The following POMGNT1 variants were observed in gnomAD, a reference collection of about 807,000 sequenced individuals.
The protein encoded by POMGNT1 is protein O-linked mannose N-acetylglucosaminyltransferase 1 (beta 1,2-).
Under a neutral mutation model 95.6 loss-of-function variants are expected in POMGNT1, and 67 were observed. The observed-to-expected ratio is 0.70, with a 90% CI of 0.58 to 0.86. The LOEUF (loss-of-function observed/expected upper bound fraction) is 0.86, where lower values mean the gene tolerates loss of function less well. Among genes scored for constraint, POMGNT1 ranks in the 40% least tolerant of loss-of-function variants. The probability of loss-of-function intolerance (pLI) is 0.00; values close to 1 mark genes in which losing one functional copy is unlikely to be tolerated. For synonymous variants in POMGNT1, 298 were observed against 317.9 expected (o/e 0.94, Z 0.66); for missense variants, 719 against 855.2 (o/e 0.84, Z 1.99).
chr1:46,203,021 C>T (rs1658594498), upstream of POMGNT1, among the ~76,000 whole-genome samples: 1 of 150,690 alleles, frequency 6.6e-6, no homozygotes, highest in Non-Finnish European at 1.5e-5. Context: ...CTTCCAAGCC[C>T]TCTGCAGCTC....
intron 1 of POMGNT1, among the ~76,000 whole-genome samples, chr1:46,205,690 C>A: frequency 6.6e-6 from 1 of 152,050 alleles, no homozygotes; most frequent in Admixed American, 6.5e-5. Flanking sequence ...TGAGGCTGCC[C>A]GAGAAAGGGC....
At chr1:46,202,920 G>GGTGTGTGTGTGTGTGTGTGTGT (rs10689850), upstream of POMGNT1, among the ~76,000 whole-genome samples, 8 of 64,514 alleles carry the variant, frequency 1.2e-4, no homozygotes, top group African/African-American at 5.3e-4. Context: ...GGGGGGGGGT[G>GGTGTGTGTGTGTGTGTGTGTGT]GTGTGTGTGT....
chr1:46,193,547 C>T lies in POMGNT1; in HGVS notation c.1026+17G>A. On this transcript the variant is annotated intron_variant, in intron 11 of 21. Transcript: ENST00000371984. ...CATGTTGTACTCCACCCGAGGCACC[C>T]CCCAAGTCCTGCTCACCTCATAGTA... is the stretch of plus-strand genomic sequence containing the variant. 6.2e-7 allele frequency: 1 copy of T among 1,614,178 alleles called. No homozygotes were observed. Among genetic ancestry groups the T allele is most frequent in the Admixed American group, 1.7e-5 (1 of 60,018 alleles).
At chr1:46,217,675 G>A (rs930193808) in intron 1 of POMGNT1, among the ~76,000 whole-genome samples, 1 of 152,056 alleles carries the variant, frequency 6.6e-6, no homozygotes, top group Non-Finnish European at 1.5e-5. Flanking sequence ...TGGCTAACCT[G>A]GTGATGCCCT....
intron 16 of POMGNT1, 42 bp from the exon 17 acceptor site, chr1:46,192,265 T>C: frequency 6.2e-7 from 1 of 1,614,016 alleles, no homozygotes; most frequent in Non-Finnish European, 8.5e-7. Context: ...ATGTTTCGAG[T>C]TGGTAGGGGA....
At chr1:46,206,382 T>A (rs1390416266) in intron 1 of POMGNT1, among the ~76,000 whole-genome samples, 1 of 152,106 alleles carries the variant, frequency 6.6e-6, no homozygotes. Context: ...ATTTCCAGGC[T>A]TTTACCCTAG....
At chr1:46,197,183 G>A (rs1658315510) in intron 2 of POMGNT1, 99 bp from the exon 3 acceptor site, 1 of 1,605,160 alleles carries the variant, frequency 6.2e-7, no homozygotes, top group South Asian at 1.1e-5. Context: ...GACATCCAGA[G>A]AAACTGGGTC....
At chr1:46,190,097 C>CTT (rs946195454) in intron 19 of POMGNT1, 108 bp from the exon 20 acceptor site, 8,265 of 800,192 alleles carry the variant, frequency 0.01, 1 homozygote, top group South Asian at 0.019. Flanking sequence ...CCTTGAAGTT[C>CTT]TTTTTTTTTT....
intron 1 of POMGNT1, among the ~76,000 whole-genome samples, chr1:46,214,548 G>A (rs771882513): frequency 3.3e-5 from 5 of 151,986 alleles, no homozygotes; most frequent in African/African-American, 4.8e-5. Context: ...ACATCATGGC[G>A]GGGAAAAGAA....
At chr1:46,219,864 T>C (rs1285213599) in exon 1 of POMGNT1, 1 of 1,613,940 alleles carries the variant, frequency 6.2e-7, no homozygotes. Context: ...CCCAGGCCGC[T>C]CAAGGCGAGG....
intron 17 of POMGNT1, 23 bp downstream of exon 17, chr1:46,192,075 C>T (rs1437285872): frequency 4.4e-6 from 7 of 1,608,816 alleles, no homozygotes; most frequent in South Asian, 2.2e-5. Flanking sequence ...CACACTGTGC[C>T]CTGCTCCCTG....
intron 1 of POMGNT1, among the ~76,000 whole-genome samples, chr1:46,216,043 C>CTTTTTTTTTTTTTTTTTTTTTTTTT (rs141982741): frequency 3.2e-5 from 3 of 92,540 alleles, no homozygotes; most frequent in Admixed American, 1.6e-4. Context: ...TTTATTTTAT[C>CTTTTTTTTTTTTTTTTTTTTTTTTT]TTTTTTTTTT....
intron 17 of POMGNT1, 54 bp from the exon 18 acceptor site, chr1:46,190,838 C>G (rs1302923790): frequency 8.0e-6 from 12 of 1,497,472 alleles, no homozygotes; most frequent in Non-Finnish European, 5.6e-6. Context: ...GGCCCACACC[C>G]ACTTGCTGAC....
rs774642135 is a variant in POMGNT1, at chr1:46,194,248, C to T, written c.879+26G>A. 4 of 1,614,024 alleles carry T rather than the reference C, an allele frequency of 2.5e-6. No homozygotes were observed. In the African/African-American group the frequency reaches 4.0e-5, roughly 16 times the overall value. On this transcript the variant is annotated intron_variant, in intron 9 of 21. Transcript: ENST00000371984. ...CTGCTGAGCTGGGAAGGAGTCCAAA[C>T]CTCACTGTCTTAAGGCCCCACTCAC... is the stretch of plus-strand genomic sequence containing the variant.
Position 46,188,889 on chromosome 1 carries a change from T to A in POMGNT1, c.*381A>T, listed in dbSNP as rs777338465. 6.2e-7 allele frequency: 1 copy of A among 1,612,778 alleles called. No individual in the cohort carries two copies. Among genetic ancestry groups the A allele is most frequent in the Non-Finnish European group, 8.5e-7 (1 of 1,179,856 alleles). On this transcript the variant is annotated 3_prime_UTR_variant, in exon 22 of 22. Coordinates refer to ENST00000371984, the MANE Select transcript of POMGNT1 (RefSeq NM_017739.4). ...GCCAGCCCCACCCTCAGGGCAGCAT[T>A]CCAGCCCAAAAAGAAATCCAGGCCC...
intron 1 of POMGNT1, among the ~76,000 whole-genome samples, chr1:46,216,808 A>G (rs1195797427): frequency 6.6e-6 from 1 of 152,196 alleles, no homozygotes; most frequent in African/African-American, 2.4e-5. Context: ...CCCTCCTCCA[A>G]CAGTCCCCAG....
At chr1:46,193,764 C>A (rs1657985386) in intron 10 of POMGNT1, 91 bp downstream of exon 10, 2 of 1,597,398 alleles carry the variant, frequency 1.3e-6, no homozygotes, top group South Asian at 2.2e-5. Context: ...GAATCTATTG[C>A]CTTTCTGCCC....
Position 46,197,022 on chromosome 1 carries a change from A to G in POMGNT1, c.183T>C (p.Thr61=), listed in dbSNP as rs748826601. 2.5e-6 allele frequency: 4 copies of G among 1,614,084 alleles called. No individual in the cohort carries two copies. The highest frequency in any genetic ancestry group is 1.7e-5 in the Admixed American group (1 of 60,012). Residue 61 remains threonine (T), a synonymous_variant, in exon 3 of 22, where the codon ACT becomes ACC. Coordinates refer to ENST00000371984, the MANE Select transcript of POMGNT1 (RefSeq NM_017739.4). ...CATTGGCTTCACTGATGGCTCGCCG[A>G]GTGTCCAGGATCAACTTGATATTGA... ...VIVNIKLILD[T]RRAISEANED... is the part of the protein sequence containing the mutation.
chr1:46,192,026 T>C, intron 17 of POMGNT1, 72 bp downstream of exon 17: 4 of 1,526,462 alleles, frequency 2.6e-6, no homozygotes, highest in Non-Finnish European at 2.7e-6. Context: ...AGAGCTAAGA[T>C]TGCTTCAGAG....
Sources: allele counts gnomAD v4.1 joint callset (sites outside exome capture counted in the v4.1 genomes callset), GRCh38; gene constraint gnomAD v4.1.1; transcripts MANE v1.5; gene names NCBI Gene and HGNC (gene_info 2026-07-23, HGNC 2026-07-21).